The following DGKA variants were observed in gnomAD, a reference collection of about 807,000 sequenced individuals.
DGKA encodes 80 kDa diacylglycerol kinase.
In DGKA, 35 loss-of-function variants were observed where a neutral mutation model predicts 105.0. The ratio of observed to expected loss-of-function variants is 0.33; its 90% CI spans 0.25 to 0.44. DGKA has a LOEUF of 0.44. Ranked by LOEUF, DGKA falls within the 20% of genes least tolerant of loss-of-function variation. The pLI is 1.00. For synonymous variants in DGKA, 296 were observed against 332.0 expected (o/e 0.89, Z 1.18); for missense variants, 665 against 915.0 (o/e 0.73, Z 3.53).
In DGKA at chr12:55,932,829, G is replaced by C. The variant is rs1883920655; in HGVS notation, c.-82+1485G>C. 1 of 523,112 alleles carries C rather than the reference G, an allele frequency of 1.9e-6. No individual in the cohort carries two copies. The highest frequency in any genetic ancestry group is 2.3e-5 in the South Asian group (1 of 43,188). The allele number at this position is 523,112 out of a possible 1,614,324, so 32.4% of individuals were successfully genotyped here. On this transcript the variant is annotated intron_variant, in intron 1 of 23. Coordinates refer to ENST00000331886, the MANE Select transcript of DGKA (RefSeq NM_001345.5). This position sits in a 1 kb window ranked among gnomAD's most constrained non-coding sequence, Gnocchi z 4.3. ...GGCTTCAAGCAAATGATTCCCTCTT[G>C]AGGGCTACCTACTAGCAGCAACGGT...
At chr12:55,927,865 G>GCTTC (rs1410406288), upstream of DGKA, 3 of 1,437,320 alleles carry the variant, frequency 2.1e-6, no homozygotes, top group Admixed American at 6.7e-5. Flanking sequence ...GGCCCTAGTT[G>GCTTC]CTTCTCGCCC....
intron 1 of DGKA, among the ~76,000 whole-genome samples, chr12:55,935,130 GT>G (rs1232112162): frequency 6.6e-5 from 10 of 152,306 alleles, no homozygotes; most frequent in African/African-American, 2.4e-4. Flanking sequence ...CTGTAGAATG[GT>G]TATGCCAATA....
At chr12:55,935,773 G>T in intron 1 of DGKA, 1 of 639,780 alleles carries the variant, frequency 1.6e-6, no homozygotes, top group South Asian at 6.9e-5. Context: ...GGAGCTCCGC[G>T]GAACGCAGTC....
chr12:55,932,478 C>G lies in DGKA; in HGVS notation c.-82+1134C>G. 1.4e-6 allele frequency: 1 copy of G among 699,634 alleles called. No homozygotes were observed. The highest frequency in any genetic ancestry group is 2.0e-5 in the Admixed American group (1 of 49,930). The allele number at this position is 699,634 out of a possible 1,614,324, so 43.3% of individuals were successfully genotyped here. On this transcript the variant is annotated intron_variant, in intron 1 of 23. Transcript: ENST00000331886. The surrounding 1 kb of genome is among the most constrained non-coding windows in gnomAD (Gnocchi z 4.3). ...TCTTGTTTGGCCTCCAGGTCCCCAA[C>G]TTCCCACCCCATCCTCTCCCCACCT...
upstream of DGKA, chr12:55,927,796 GC>G: frequency 2.6e-6 from 4 of 1,535,078 alleles, no homozygotes; most frequent in Middle Eastern, 4.0e-4. Flanking sequence ...TGGGCGGGCG[GC>G]CCTGGCCTGG....
Position 55,951,573 on chromosome 12 carries a change from G to C in DGKA, c.1427-50G>C, listed in dbSNP as rs567845679. ...TTGTGGAGCTGGGAGCTGAGAAGAG[G>C]CCTCTCTGGGACCCAGAGCTCAGTG... On this transcript the variant is annotated intron_variant, in intron 17 of 23. Transcript: ENST00000331886. 1.5e-5 allele frequency: 24 copies of C among 1,572,540 alleles called. No homozygotes were observed. The South Asian group carries it at 2.3e-4, about 15-fold the overall frequency.
rs775840854 is a variant in DGKA, at chr12:55,940,383, C to T, written c.868C>T (p.Arg290Trp). 1 of 1,614,246 alleles carries T rather than the reference C, an allele frequency of 6.2e-7. No individual in the cohort carries two copies. ...CTGCGACCGCTGTCAGAAAAAGATC[C>T]GGATCTACCACAGTCTGACCGGGCT... ...GRCDRCQKKI[R>W]IYHSLTGLHC... Residue 290 changes from arginine (R) to tryptophan (W), a missense_variant, in exon 11 of 24, where the codon CGG becomes TGG. Physicochemically the swap from Arg to Trp is moderately radical, Grantham distance 101. Coordinates refer to ENST00000331886, the MANE Select transcript of DGKA (RefSeq NM_001345.5). This position sits in a 1 kb window ranked among gnomAD's most constrained non-coding sequence, Gnocchi z 4.3.
chr12:55,939,746 G>A (rs1885506496), intron 9 of DGKA: 3 of 603,438 alleles, frequency 5.0e-6, no homozygotes, highest in Non-Finnish European at 2.9e-6. Flanking sequence ...TGCAAGAAAA[G>A]TGCTTCAGAT....
At chr12:55,939,084 C>G in intron 7 of DGKA, 95 bp downstream of exon 7, 1 of 1,607,078 alleles carries the variant, frequency 6.2e-7, no homozygotes, top group South Asian at 1.1e-5. Context: ...AACCTGGTTC[C>G]CTTGGCTAGG....
rs1283838831 is a variant in DGKA at position 55,952,992 on chromosome 12, T to C, written c.1943-48T>C. 1.2e-6 allele frequency: 2 copies of C among 1,614,116 alleles called. No homozygotes were observed. Among genetic ancestry groups the C allele is most frequent in the East Asian group, 4.5e-5 (2 of 44,884 alleles). On this transcript the variant is annotated intron_variant, in intron 21 of 23. Coordinates refer to ENST00000331886, the MANE Select transcript of DGKA (RefSeq NM_001345.5). This position sits in a 1 kb window ranked among gnomAD's most constrained non-coding sequence, Gnocchi z 5.1. ...GACGAAGGGAAAGTGTGACTCCCTA[T>C]GGGGATACCCTGTTTATGTAAAACT... is the stretch of plus-strand genomic sequence containing the variant.
intron 1 of DGKA, 139 bp from the exon 2 acceptor site, chr12:55,936,284 G>A (rs1447766506): frequency 2.1e-6 from 2 of 962,672 alleles, no homozygotes; most frequent in Non-Finnish European, 2.9e-6. Flanking sequence ...ACAGGGAAAG[G>A]AAGATGTTTA....
At chr12:55,947,293 A>C (rs1241511809) in intron 17 of DGKA, among the ~76,000 whole-genome samples, 1 of 152,098 alleles carries the variant, frequency 6.6e-6, no homozygotes, top group Non-Finnish European at 1.5e-5. Flanking sequence ...CTGTGGAGAC[A>C]TTTTTAAAAC....
intron 18 of DGKA, 97 bp downstream of exon 18, chr12:55,951,880 G>C: frequency 6.5e-7 from 1 of 1,533,114 alleles, no homozygotes; most frequent in Non-Finnish European, 8.9e-7. Flanking sequence ...TAAGTGACCT[G>C]TGACACAGGG....
At chr12:55,948,401 GA>G (rs747364724) in intron 17 of DGKA, among the ~76,000 whole-genome samples, 3,952 of 124,030 alleles carry the variant, frequency 0.032, 81 homozygotes, top group African/African-American at 0.065. Flanking sequence ...ACTCCATCTC[GA>G]AAAAAAAAAA....
At chr12:55,953,614 C>T in intron 23 of DGKA, 71 bp from the exon 24 acceptor site, 1 of 1,509,836 alleles carries the variant, frequency 6.6e-7, no homozygotes. Context: ...CACAGATTTC[C>T]CTCTAAATCT....
In DGKA at chr12:55,952,526, G is replaced by T; in HGVS notation, c.1743+95G>T. On this transcript the variant is annotated intron_variant, in intron 20 of 23. Transcript: ENST00000331886. The surrounding 1 kb of genome is among the most constrained non-coding windows in gnomAD (Gnocchi z 5.1). ...ACCCTTAGGAACTTCCCATATTCTT[G>T]AACCTATGCTTCTTTAACCTCCCAG... 7.4e-7 allele frequency: 1 copy of T among 1,354,576 alleles called. No individual in the cohort carries two copies. The highest frequency in any genetic ancestry group is 2.3e-5 in the East Asian group (1 of 43,098). The allele number at this position is 1,354,576 out of a possible 1,614,324, so 83.9% of individuals were successfully genotyped here.
Position 55,940,716 on chromosome 12 carries a change from T to G in DGKA, c.1011T>G (p.Ser337Arg), listed in dbSNP as rs755689151. 4 of 1,610,930 alleles carry G rather than the reference T, an allele frequency of 2.5e-6. No individual in the cohort carries two copies. In the Admixed American group the frequency reaches 5.1e-5, roughly 21 times the overall value. ...TGCCTCCATCTTCCATCTATCCCAGTGTCCTGGTGAGACCCTCGGCAGCAG... is the reference window on the plus strand; with the variant it reads ...TGCCTCCATCTTCCATCTATCCCAGGGTCCTGGTGAGACCCTCGGCAGCAG... ...HILPPSSIYPSVLASGPDRKN... is the reference protein window; with the variant it reads ...HILPPSSIYPRVLASGPDRKN... Residue 337 changes from serine to arginine, a missense_variant, in exon 12 of 24, where the codon AGT becomes AGG. Transcript: ENST00000331886. This position sits in a 1 kb window ranked among gnomAD's most constrained non-coding sequence, Gnocchi z 4.3.
At position 55,940,739 on chromosome 12, in the gene DGKA, C is replaced by T; in HGVS notation, c.1017+17C>T. ...AGTGTCCTGGTGAGACCCTCGGCAG[C>T]AGCGGGGAGGGGACAGGAGTGCCTC... On this transcript the variant is annotated intron_variant, in intron 12 of 23. Transcript: ENST00000331886. The surrounding 1 kb of genome is among the most constrained non-coding windows in gnomAD (Gnocchi z 4.3). 1 of 1,611,960 alleles carries T rather than the reference C, an allele frequency of 6.2e-7. No individual in the cohort carries two copies. The highest frequency in any genetic ancestry group is 8.5e-7 in the Non-Finnish European group (1 of 1,179,084).
At position 55,953,720 on chromosome 12, in the gene DGKA, C is replaced by T. The variant is rs1888628899; in HGVS notation, c.2160C>T (p.Leu720=). ...CCCACAAGAACCAGATGCCCATGCT[C>T]ATGGGCCCACCCCCCCGCTCCACCA... ...KITHKNQMPM[L]MGPPPRSTNF... is the part of the protein sequence containing the mutation. Residue 720 remains leucine, a synonymous_variant, in exon 24 of 24, where the codon CTC becomes CTT. Transcript: ENST00000331886. 1 of 1,614,162 alleles carries T rather than the reference C, an allele frequency of 6.2e-7. No individual in the cohort carries two copies. Among genetic ancestry groups the T allele is most frequent in the Middle Eastern group, 1.6e-4 (1 of 6,062 alleles).
Sources: gnomAD v4.1 joint callset for allele counts (sites outside exome capture counted in the v4.1 genomes callset) on GRCh38, gnomAD v4.1.1 for gene constraint, Gnocchi (gnomAD v3.1) non-coding constraint, MANE v1.5 for transcripts, NCBI Gene and HGNC (gene_info 2026-07-23, HGNC 2026-07-21) for gene names.